Variants in AP3B1 observed in about 807,000 individuals in gnomAD.
AP3B1 encodes the protein adaptor related protein complex 3 subunit beta 1.
A neutral mutation model predicts 132.5 loss-of-function variants in AP3B1; 61 were observed. The ratio of observed to expected loss-of-function variants is 0.46; its 90% CI spans 0.37 to 0.57. AP3B1 has a LOEUF of 0.57. AP3B1 is among the 20% of genes least tolerant of loss of function. The pLI is 0.00. For missense variants in AP3B1, 1,120 were observed against 1,289.4 expected, an observed-to-expected ratio of 0.87 and a Z score of 2.01; for synonymous variants, 388 against 438.3, an observed-to-expected ratio of 0.89 and a Z score of 1.43.
intron 22 of AP3B1, among the ~76,000 whole-genome samples, chr5:78,088,674 C>T (rs1045462822): frequency 6.6e-6 from 1 of 152,184 alleles, no homozygotes; most frequent in African/African-American, 2.4e-5. Context: ...ACTATTCTGT[C>T]TCTTAGTCTG....
chr5:78,197,223 AC>A (rs1320810787), intron 7 of AP3B1, among the ~76,000 whole-genome samples: 3 of 152,030 alleles, frequency 2.0e-5, no homozygotes, highest in African/African-American at 7.2e-5. Context: ...ATATATCTGA[AC>A]CTATCTTATA....
intron 22 of AP3B1, chr5:78,041,897 G>A: frequency 5.2e-6 from 1 of 193,694 alleles, no homozygotes; most frequent in Non-Finnish European, 1.1e-5. Context: ...CACTCAGGCA[G>A]CTGCAGACTC....
In AP3B1 at chr5:78,121,028, G is replaced by C. The variant is rs546874042; in HGVS notation, c.1969-4794C>G. Among the ~76,000 whole-genome samples the C allele has an allele frequency of 2.2e-3, 338 of 152,264 alleles. 2 individuals carry two copies. The highest frequency in any genetic ancestry group is 5.1e-3 in the Admixed American group (78 of 15,296). ...ACAGTGCAATCAAACTAGAACTCAG[G>C]ATTAAGAAACTCACTCAAAACCGCT... On this transcript the variant is annotated intron_variant, in intron 17 of 26. Transcript: ENST00000255194.
intron 23 of AP3B1, among the ~76,000 whole-genome samples, chr5:78,036,230 ATTATATGGATG>A (rs1747801560): frequency 6.6e-6 from 1 of 152,138 alleles, no homozygotes; most frequent in Non-Finnish European, 1.5e-5. Context: ...GGCATGTTTT[ATTATATGGATG>A]CTTCAGGAGC....
At chr5:78,110,434 C>T (rs765970327) in intron 19 of AP3B1, 80 bp from the exon 20 acceptor site, 33 of 1,060,246 alleles carry the variant, frequency 3.1e-5, no homozygotes, top group Non-Finnish European at 2.2e-5. Flanking sequence ...TTTTTAAATT[C>T]CAGAATACAT....
At chr5:78,043,808 C>A in intron 22 of AP3B1, 1 of 367,548 alleles carries the variant, frequency 2.7e-6, no homozygotes, top group South Asian at 2.6e-5. Context: ...TGAAGAGCCT[C>A]CATAAATCCT....
chr5:78,270,563 A>G (rs890258533), intron 1 of AP3B1, among the ~76,000 whole-genome samples: 1 of 152,230 alleles, frequency 6.6e-6, no homozygotes, highest in East Asian at 1.9e-4. Flanking sequence ...GCACCTCTTT[A>G]GGCATAGAGA....
At chr5:78,188,740 AG>A (rs1460905974) in intron 7 of AP3B1, among the ~76,000 whole-genome samples, 1 of 152,160 alleles carries the variant, frequency 6.6e-6, no homozygotes, top group Non-Finnish European at 1.5e-5. Context: ...TATACCCAAA[AG>A]AGTATAAATC....
chr5:78,052,659 TG>T (rs1253787297), intron 22 of AP3B1, among the ~76,000 whole-genome samples: 2 of 152,186 alleles, frequency 1.3e-5, no homozygotes, highest in Non-Finnish European at 2.9e-5. Flanking sequence ...TGCCGATCCC[TG>T]GTATAGGATA....
intron 14 of AP3B1, among the ~76,000 whole-genome samples, chr5:78,152,361 T>C (rs1340391892): frequency 6.6e-6 from 1 of 152,048 alleles, no homozygotes; most frequent in Non-Finnish European, 1.5e-5. Context: ...TTGTTACTTG[T>C]TTTTGGTCTG....
At chr5:78,228,683 T>C (rs547933531) in intron 3 of AP3B1, among the ~76,000 whole-genome samples, 3 of 152,274 alleles carry the variant, frequency 2.0e-5, no homozygotes, top group African/African-American at 7.2e-5. Context: ...AGAGAGACCC[T>C]ACCTCTTTAA....
At chr5:78,107,716 G>A (rs902562040) in intron 20 of AP3B1, among the ~76,000 whole-genome samples, 3 of 152,096 alleles carry the variant, frequency 2.0e-5, no homozygotes, top group African/African-American at 7.2e-5. Context: ...CTCAGAGGCT[G>A]TAGGTAAGGG....
chr5:78,095,004 C>A (rs1213124495), intron 21 of AP3B1, among the ~76,000 whole-genome samples: 1 of 152,136 alleles, frequency 6.6e-6, no homozygotes, highest in African/African-American at 2.4e-5. Context: ...TTAAACTCAA[C>A]TCAAAAGTTA....
At chr5:78,108,086 T>C (rs948056031) in intron 20 of AP3B1, among the ~76,000 whole-genome samples, 2 of 152,210 alleles carry the variant, frequency 1.3e-5, no homozygotes, top group African/African-American at 4.8e-5. Context: ...GAAAGCCATA[T>C]ATTCAAGGTA....
intron 6 of AP3B1, chr5:78,222,623 T>C (rs1746228133): frequency 6.6e-6 from 1 of 151,948 alleles, no homozygotes. Flanking sequence ...GTAAAGACTC[T>C]TTGTCATGCA....
intron 24 of AP3B1, among the ~76,000 whole-genome samples, chr5:78,029,865 A>C (rs1262360906): frequency 6.6e-6 from 1 of 152,012 alleles, no homozygotes; most frequent in Non-Finnish European, 1.5e-5. Context: ...ATAATACATC[A>C]CATTTCTATT....
At chr5:78,007,563 C>T (rs1488795781) in intron 26 of AP3B1, among the ~76,000 whole-genome samples, 1 of 152,068 alleles carries the variant, frequency 6.6e-6, no homozygotes, top group Non-Finnish European at 1.5e-5. Flanking sequence ...AATAATTAGT[C>T]CAAAGTTGAC....
intron 1 of AP3B1, among the ~76,000 whole-genome samples, chr5:78,287,821 C>T (rs1360622448): frequency 6.7e-6 from 1 of 149,652 alleles, no homozygotes; most frequent in Non-Finnish European, 1.5e-5. Flanking sequence ...GCTCTAGTAC[C>T]AGATCTAATG....
chr5:78,102,437 T>C (rs762963135), intron 20 of AP3B1, among the ~76,000 whole-genome samples: 7 of 152,132 alleles, frequency 4.6e-5, no homozygotes, highest in Non-Finnish European at 7.4e-5. Context: ...CATCATCTAG[T>C]TGTTTTAATT....
Sources: gnomAD v4.1 joint callset for allele counts (sites outside exome capture counted in the v4.1 genomes callset) on GRCh38, gnomAD v4.1.1 for gene constraint, MANE v1.5 for transcripts, NCBI Gene and HGNC (gene_info 2026-07-23, HGNC 2026-07-21) for gene names.